Variants in TRAM2 observed in about 807,000 individuals in gnomAD.
TRAM2 encodes the protein translocation associated membrane protein 2.
A neutral mutation model predicts 51.0 loss-of-function variants in TRAM2; 12 were observed. That is an observed-to-expected ratio of 0.24 (90% CI 0.15 to 0.38). The LOEUF (loss-of-function observed/expected upper bound fraction) is 0.38. Among genes scored for constraint, TRAM2 ranks in the 10% least tolerant of loss-of-function variants. The pLI is 1.00. For missense variants in TRAM2, 361 were observed against 462.0 expected (o/e 0.78, Z 2.00); for synonymous variants, 175 against 179.4 (o/e 0.98, Z 0.20).
chr6:52,558,611 G>A (rs927384932), intron 1 of TRAM2, among the ~76,000 whole-genome samples: 1 of 152,140 alleles, frequency 6.6e-6, no homozygotes. Context: ...CAAACAAAAG[G>A]TAATAGCACT....
Position 52,558,317 on chromosome 6 carries a change from C to T in TRAM2, c.120+18479G>A, listed in dbSNP as rs554709550. Among the ~76,000 whole-genome samples the T allele has an allele frequency of 1.6e-4, 24 of 152,260 alleles. No individual in the cohort carries two copies. The South Asian group carries it at 5.0e-3, about 32-fold the overall frequency. ...AGCAGGCCCAAAAGCCCCCCACGTCCAGTCCCATAAGGAGTACCTCACCAC... is the reference window on the plus strand; with the variant it reads ...AGCAGGCCCAAAAGCCCCCCACGTCTAGTCCCATAAGGAGTACCTCACCAC... On this transcript the variant is annotated intron_variant, in intron 1 of 10. Coordinates refer to ENST00000182527, the MANE Select transcript of TRAM2 (RefSeq NM_012288.4).
chr6:52,508,189 T>G, intron 6 of TRAM2, 45 bp downstream of exon 6: 1 of 1,565,266 alleles, frequency 6.4e-7, no homozygotes, highest in Non-Finnish European at 8.8e-7. Flanking sequence ...AGGAGGGGAG[T>G]GGTCAATGAA....
chr6:52,573,442 G>C (rs1044311795), intron 1 of TRAM2, among the ~76,000 whole-genome samples: 2 of 152,142 alleles, frequency 1.3e-5, no homozygotes, highest in Non-Finnish European at 2.9e-5. Flanking sequence ...GGAAGGAGGG[G>C]GAAAATAAAG....
At position 52,522,088 on chromosome 6, in the gene TRAM2, A is replaced by G. The variant is rs554943845; in HGVS notation, c.185-5351T>C. On this transcript the variant is annotated intron_variant, in intron 2 of 10. Transcript: ENST00000182527. ...ACTTCCACAGAGAAATATGCTTTCC[A>G]CTGCTTTTCTTTAAACATATCACCC... Among the ~76,000 whole-genome samples the G allele has an allele frequency of 1.6e-4, 25 of 152,384 alleles. No individual in the cohort carries two copies. In the South Asian group the frequency reaches 5.0e-3, roughly 30 times the overall value.
intron 1 of TRAM2, among the ~76,000 whole-genome samples, chr6:52,563,479 G>A (rs1767533859): frequency 6.6e-6 from 1 of 151,816 alleles, no homozygotes; most frequent in South Asian, 2.1e-4. Flanking sequence ...CAGGACTTTG[G>A]GAGACTGAGG....
In TRAM2 at chr6:52,567,931, T is replaced by C. The variant is rs570455639; in HGVS notation, c.120+8865A>G. Among the ~76,000 whole-genome samples the C allele has an allele frequency of 2.6e-5, 4 of 152,306 alleles. No individual in the cohort carries two copies. In the South Asian group the frequency reaches 6.2e-4, roughly 24 times the overall value. On this transcript the variant is annotated intron_variant, in intron 1 of 10. Coordinates refer to ENST00000182527, the MANE Select transcript of TRAM2 (RefSeq NM_012288.4). ...AGCTACTACTCCTAAATCTATAGGATTGGGGAAAGGTGCCTCTCTCCTTCT... is the reference window on the plus strand; with the variant it reads ...AGCTACTACTCCTAAATCTATAGGACTGGGGAAAGGTGCCTCTCTCCTTCT...
intron 4 of TRAM2, among the ~76,000 whole-genome samples, 185 bp from the exon 5 acceptor site, chr6:52,509,771 G>A (rs952204718): frequency 2.6e-5 from 4 of 152,162 alleles, no homozygotes; most frequent in Admixed American, 2.6e-4. Flanking sequence ...TTTCTTTACT[G>A]TGGAAGAGTC....
chr6:52,508,411 ACT>A (rs1362082335), intron 5 of TRAM2, 93 bp from the exon 6 acceptor site: 18 of 1,236,232 alleles, frequency 1.5e-5, no homozygotes, highest in Non-Finnish European at 1.7e-5. Flanking sequence ...ATGGGCTGAG[ACT>A]CTGCCTGTGA....
At chr6:52,574,971 G>A (rs1289742294) in intron 1 of TRAM2, among the ~76,000 whole-genome samples, 1 of 152,196 alleles carries the variant, frequency 6.6e-6, no homozygotes, top group East Asian at 1.9e-4. Flanking sequence ...CAGCTGTCAC[G>A]TGTATCTTTC....
intron 2 of TRAM2, among the ~76,000 whole-genome samples, chr6:52,532,046 G>T (rs778873396): frequency 3.3e-5 from 5 of 152,172 alleles, no homozygotes; most frequent in Non-Finnish European, 2.9e-5. Flanking sequence ...AAACATTGTA[G>T]GAAGCTTTTT....
intron 4 of TRAM2, among the ~76,000 whole-genome samples, chr6:52,512,623 G>C (rs1447537513): frequency 6.6e-6 from 1 of 152,192 alleles, no homozygotes; most frequent in Non-Finnish European, 1.5e-5. Flanking sequence ...GTTTGGAGAG[G>C]CTTTTGAAAT....
At chr6:52,544,116 A>G (rs1005204825) in intron 1 of TRAM2, among the ~76,000 whole-genome samples, 1 of 152,310 alleles carries the variant, frequency 6.6e-6, no homozygotes. Flanking sequence ...ACAGCGATGG[A>G]GCAGGGTGAA....
intron 1 of TRAM2, among the ~76,000 whole-genome samples, chr6:52,538,673 T>C (rs1255315022): frequency 6.6e-6 from 1 of 152,192 alleles, no homozygotes; most frequent in Non-Finnish European, 1.5e-5. Context: ...ACCAGACTCT[T>C]TGGGGCATGG....
chr6:52,537,326 C>G (rs755393225), intron 1 of TRAM2, among the ~76,000 whole-genome samples: 1 of 152,232 alleles, frequency 6.6e-6, no homozygotes, highest in Non-Finnish European at 1.5e-5. Context: ...TTGGTCAAGA[C>G]CTTTTTCAGT....
At chr6:52,522,422 G>T (rs75908979) in intron 2 of TRAM2, among the ~76,000 whole-genome samples, 4,421 of 152,366 alleles carry the variant, frequency 0.029, 187 homozygotes, top group African/African-American at 0.099. Flanking sequence ...ATTTTAAAAT[G>T]CTGGTGACTA....
intron 2 of TRAM2, among the ~76,000 whole-genome samples, chr6:52,527,732 G>A (rs1349434811): frequency 6.6e-6 from 1 of 152,208 alleles, no homozygotes; most frequent in Non-Finnish European, 1.5e-5. Context: ...TCAGAGCTAC[G>A]ACAGGGAATT....
At chr6:52,569,214 G>A (rs901355539) in intron 1 of TRAM2, among the ~76,000 whole-genome samples, 4 of 152,162 alleles carry the variant, frequency 2.6e-5, no homozygotes, top group African/African-American at 9.6e-5. Context: ...GGCCAAAATA[G>A]TGAAACCCCA....
At chr6:52,505,798 C>A in intron 8 of TRAM2, 56 bp from the exon 9 acceptor site, 11 of 1,549,376 alleles carry the variant, frequency 7.1e-6, no homozygotes, top group Non-Finnish European at 9.6e-6. Flanking sequence ...AAGGAATCTT[C>A]ACCCACTTCT....
chr6:52,552,263 G>A (rs1767323250), intron 1 of TRAM2, among the ~76,000 whole-genome samples: 2 of 152,350 alleles, frequency 1.3e-5, no homozygotes, highest in South Asian at 4.1e-4. Context: ...GACAGCCCTG[G>A]GACAGGACCA....
Sources: allele counts gnomAD v4.1 joint callset (sites outside exome capture counted in the v4.1 genomes callset), GRCh38; gene constraint gnomAD v4.1.1; transcripts MANE v1.5; gene names NCBI Gene and HGNC (gene_info 2026-07-23, HGNC 2026-07-21).